PPFIBP1: variants seen among roughly 807,000 people sequenced by gnomAD.
PPFIBP1 encodes the protein liprin-beta-1.
In PPFIBP1, 112 loss-of-function variants were observed where a neutral mutation model predicts 137.8. The ratio of observed to expected loss-of-function variants is 0.81; its 90% CI spans 0.70 to 0.95. The LOEUF is 0.95. Among genes scored for constraint, PPFIBP1 ranks in the 40% least tolerant of loss-of-function variants. PPFIBP1 has a pLI of 0.00. For missense variants in PPFIBP1, 1,083 were observed against 1,196.6 expected (o/e 0.91, Z 1.40); for synonymous variants, 378 against 417.3 (o/e 0.91, Z 1.15).
At chr12:27,564,835 C>T (rs944436719) in intron 1 of PPFIBP1, among the ~76,000 whole-genome samples, 1 of 152,190 alleles carries the variant, frequency 6.6e-6, no homozygotes, top group African/African-American at 2.4e-5. Context: ...CTTTGACTCC[C>T]CGTCAAGGCC....
intron 1 of PPFIBP1, among the ~76,000 whole-genome samples, chr12:27,545,433 C>T (rs937192457): frequency 5.9e-5 from 9 of 152,120 alleles, no homozygotes; most frequent in African/African-American, 2.2e-4. Flanking sequence ...AGTTGGGTAG[C>T]CTCATGCTGA....
rs1025029358 is a variant in PPFIBP1, at chr12:27,682,574, T to A, written c.2159-41T>A. ...TTTTCTTTTTAATCACAAGAACAGATGTTTTGTGGCATGGTAGCAACACTG... is the reference window on the plus strand; with the variant it reads ...TTTTCTTTTTAATCACAAGAACAGAAGTTTTGTGGCATGGTAGCAACACTG... On this transcript the variant is annotated intron_variant, in intron 23 of 29. Coordinates refer to ENST00000228425, the MANE Select transcript of PPFIBP1 (RefSeq NM_003622.4). 21 of 1,610,076 alleles carry A rather than the reference T, an allele frequency of 1.3e-5. No individual in the cohort carries two copies. In the African/African-American group the frequency reaches 2.1e-4, roughly 16 times the overall value.
intron 4 of PPFIBP1, among the ~76,000 whole-genome samples, chr12:27,644,988 G>A (rs2058375379): frequency 6.6e-6 from 1 of 151,374 alleles, no homozygotes; most frequent in Non-Finnish European, 1.5e-5. Flanking sequence ...TGCATTTATT[G>A]GAAAGATAGA....
chr12:27,602,378 A>C (rs1165052289), intron 2 of PPFIBP1, among the ~76,000 whole-genome samples: 2 of 152,234 alleles, frequency 1.3e-5, no homozygotes, highest in Non-Finnish European at 2.9e-5. Flanking sequence ...TACCACAATC[A>C]AGTTTATTAA....
At chr12:27,593,805 C>T (rs966588829) in intron 2 of PPFIBP1, 25 of 1,111,474 alleles carry the variant, frequency 2.2e-5, no homozygotes, top group African/African-American at 6.3e-5. Flanking sequence ...CTGTCTGGTT[C>T]GTCCTGAATT....
intron 6 of PPFIBP1, 65 bp from the exon 7 acceptor site, chr12:27,649,945 G>T (rs959137224): frequency 1.4e-6 from 2 of 1,447,644 alleles, no homozygotes; most frequent in Admixed American, 1.9e-5. Flanking sequence ...GATCATAAAT[G>T]AGGTAAATTC....
chr12:27,603,372 A>G (rs2054196190), intron 2 of PPFIBP1, among the ~76,000 whole-genome samples: 1 of 152,124 alleles, frequency 6.6e-6, no homozygotes, highest in African/African-American at 2.4e-5. Context: ...AATTGAGGAG[A>G]CAAACTCCTT....
intron 1 of PPFIBP1, among the ~76,000 whole-genome samples, chr12:27,575,849 A>G (rs2050512422): frequency 6.6e-6 from 1 of 152,214 alleles, no homozygotes; most frequent in South Asian, 2.1e-4. Flanking sequence ...GTTAGTTAGT[A>G]TTTATAGCTT....
Position 27,682,509 on chromosome 12 carries a change from T to G in PPFIBP1, c.2158+11T>G, listed in dbSNP as rs2140389751. 2 of 1,608,368 alleles carry G rather than the reference T, an allele frequency of 1.2e-6. No homozygotes were observed. Among genetic ancestry groups the G allele is most frequent in the Middle Eastern group, 3.3e-4 (2 of 6,050 alleles). On this transcript the variant is annotated intron_variant, in intron 23 of 29. Coordinates refer to ENST00000228425, the MANE Select transcript of PPFIBP1 (RefSeq NM_003622.4). ...TCAACTGGGTCACTAGTAAGAAGTTTTTATTCTAACAAAATGAAATAATTA... is the reference window on the plus strand; with the variant it reads ...TCAACTGGGTCACTAGTAAGAAGTTGTTATTCTAACAAAATGAAATAATTA...
chr12:27,599,841 G>A (rs565462001), intron 2 of PPFIBP1, among the ~76,000 whole-genome samples: 1 of 152,228 alleles, frequency 6.6e-6, no homozygotes, highest in South Asian at 2.1e-4. Context: ...GGTCAAGAAA[G>A]GCAAGGAAAG....
Position 27,604,777 on chromosome 12 carries a change from A to G in PPFIBP1, c.-36+26538A>G, listed in dbSNP as rs182675568. 7.2e-5 allele frequency among the ~76,000 whole-genome samples: 11 copies of G among 152,340 alleles called. No individual in the cohort carries two copies. The East Asian group carries it at 1.9e-3, about 27-fold the overall frequency. On this transcript the variant is annotated intron_variant, in intron 2 of 29. Transcript: ENST00000228425. ...ATTAGTCTGTTTTCACACTGCTGAT[A>G]AAGACACACCCGAGACTGGGAAATT... is the stretch of plus-strand genomic sequence containing the variant.
chr12:27,592,343 T>C, intron 2 of PPFIBP1: 2 of 558,476 alleles, frequency 3.6e-6, no homozygotes, highest in Admixed American at 3.7e-5. Flanking sequence ...GAGGAAGACA[T>C]GGGTAACAAG....
intron 24 of PPFIBP1, among the ~76,000 whole-genome samples, chr12:27,684,622 C>T (rs897565714): frequency 7.9e-5 from 12 of 152,166 alleles, no homozygotes; most frequent in African/African-American, 1.4e-4. Context: ...CATAAACCTG[C>T]GTGAAATAAT....
At chr12:27,580,534 C>A (rs2050999841) in intron 2 of PPFIBP1, among the ~76,000 whole-genome samples, 1 of 152,146 alleles carries the variant, frequency 6.6e-6, no homozygotes, top group Admixed American at 6.5e-5. Flanking sequence ...GGCACATAGA[C>A]CTAGCACTAA....
intron 5 of PPFIBP1, 63 bp downstream of exon 5, chr12:27,646,211 G>A: frequency 1.5e-6 from 2 of 1,347,402 alleles, no homozygotes; most frequent in Non-Finnish European, 2.1e-6. Context: ...TTAAATTGGG[G>A]TGGCAAATTC....
chr12:27,539,022 C>A (rs1945362858), intron 1 of PPFIBP1, among the ~76,000 whole-genome samples: 1 of 152,130 alleles, frequency 6.6e-6, no homozygotes, highest in South Asian at 2.1e-4. Flanking sequence ...ATGCACAGGA[C>A]AGCCCCCCAC....
chr12:27,525,241 TA>T (rs1943591233), intron 1 of PPFIBP1, among the ~76,000 whole-genome samples: 1 of 152,076 alleles, frequency 6.6e-6, no homozygotes. Context: ...CGGAGAGCAA[TA>T]GAAAAAGAAC....
intron 29 of PPFIBP1, 55 bp from the exon 30 acceptor site, chr12:27,692,741 G>C (rs543924039): frequency 1.9e-6 from 3 of 1,613,866 alleles, no homozygotes; most frequent in Non-Finnish European, 2.5e-6. Flanking sequence ...CTTGGAGAAT[G>C]TGTAGCTCTG....
At chr12:27,636,143 A>G (rs530710090) in intron 4 of PPFIBP1, 3 of 152,332 alleles carry the variant, frequency 2.0e-5, no homozygotes, top group Admixed American at 2.0e-4. Flanking sequence ...CACAAATATT[A>G]GAGCTCCCAG....
Sources: gnomAD v4.1 joint callset for allele counts (sites outside exome capture counted in the v4.1 genomes callset) on GRCh38, gnomAD v4.1.1 for gene constraint, MANE v1.5 for transcripts, NCBI Gene and HGNC (gene_info 2026-07-23, HGNC 2026-07-21) for gene names.